Variants in REC114 observed in about 807,000 individuals in gnomAD.
The protein encoded by REC114 is REC114 meiotic recombination protein.
In REC114, 27 loss-of-function variants were observed where a neutral mutation model predicts 31.3. The ratio of observed to expected loss-of-function variants is 0.86; its 90% confidence interval spans 0.64 to 1.19. REC114 has a LOEUF of 1.19. Ranked by LOEUF, REC114 falls within the 50% of genes most tolerant of loss-of-function variation. The probability of loss-of-function intolerance (pLI) is 0.00; values close to 1 mark genes in which losing one functional copy is unlikely to be tolerated. For missense variants in REC114, 344 were observed against 326.9 expected (o/e 1.05, Z -0.40); for synonymous variants, 134 against 127.7 (o/e 1.05, Z -0.33).
At chr15:73,548,906 C>T (rs920258534) in intron 3 of REC114, among the ~76,000 whole-genome samples, 2 of 152,182 alleles carry the variant, frequency 1.3e-5, no homozygotes, top group African/African-American at 4.8e-5. Flanking sequence ...AGGCCATTAT[C>T]CCTAGCAAAC....
At chr15:73,553,433 TC>T (rs1188994849) in intron 4 of REC114, among the ~76,000 whole-genome samples, 1 of 152,204 alleles carries the variant, frequency 6.6e-6, no homozygotes, top group African/African-American at 2.4e-5. Context: ...TTGCTTATGA[TC>T]CTTTGCCCTT....
At chr15:73,498,730 A>T (rs901331687) in intron 2 of REC114, among the ~76,000 whole-genome samples, 3 of 152,182 alleles carry the variant, frequency 2.0e-5, no homozygotes, top group African/African-American at 7.2e-5. Flanking sequence ...ATCACAGTAA[A>T]TTATTATATT....
intron 2 of REC114, among the ~76,000 whole-genome samples, chr15:73,525,504 T>C (rs1302819731): frequency 6.6e-6 from 1 of 152,090 alleles, no homozygotes; most frequent in South Asian, 2.1e-4. Flanking sequence ...CTATTTTCAC[T>C]ATATATCCCA....
chr15:73,521,746 T>C (rs1893938296), intron 2 of REC114, among the ~76,000 whole-genome samples: 1 of 152,158 alleles, frequency 6.6e-6, no homozygotes, highest in Admixed American at 6.5e-5. Context: ...AAAATACAAC[T>C]TACCAAAGCT....
chr15:73,477,555 T>C (rs1893232614), intron 2 of REC114, among the ~76,000 whole-genome samples: 1 of 152,016 alleles, frequency 6.6e-6, no homozygotes, highest in South Asian at 2.1e-4. Context: ...TAGCTGGGAC[T>C]GTAGGCATAC....
chr15:73,486,494 C>A (rs985704539), intron 2 of REC114, among the ~76,000 whole-genome samples: 1 of 152,220 alleles, frequency 6.6e-6, no homozygotes, highest in Non-Finnish European at 1.5e-5. Flanking sequence ...ACCTTTCCCT[C>A]TTTTACCCAT....
chr15:73,558,741 GAC>G (rs1320125132), intron 5 of REC114, among the ~76,000 whole-genome samples: 5 of 152,196 alleles, frequency 3.3e-5, no homozygotes, highest in Admixed American at 2.0e-4. Flanking sequence ...CACTATAGAT[GAC>G]AGTTTGGCAG....
chr15:73,486,991 A>G (rs1385669209), intron 2 of REC114, among the ~76,000 whole-genome samples: 1 of 152,138 alleles, frequency 6.6e-6, no homozygotes, highest in East Asian at 1.9e-4. Flanking sequence ...ATTGCACTCC[A>G]GCCTGGACAA....
chr15:73,540,617 T>C (rs1291136767), intron 3 of REC114, 49 bp downstream of exon 3: 3 of 1,508,140 alleles, frequency 2.0e-6, no homozygotes, highest in South Asian at 2.2e-5. Flanking sequence ...TATGTGTGTA[T>C]GTTGGGGAGG....
intron 2 of REC114, among the ~76,000 whole-genome samples, chr15:73,500,857 A>T (rs1461099698): frequency 1.3e-5 from 2 of 151,330 alleles, no homozygotes; most frequent in Non-Finnish European, 2.9e-5. Context: ...TATAAATAGC[A>T]TTTGATCTTT....
chr15:73,447,339 T>TG (rs771025313), intron 1 of REC114, among the ~76,000 whole-genome samples: 12 of 152,100 alleles, frequency 7.9e-5, no homozygotes, highest in Non-Finnish European at 1.5e-4. Context: ...TGGGATTAGG[T>TG]GAGATTCGGG....
chr15:73,547,196 A>G (rs969722379), intron 3 of REC114, among the ~76,000 whole-genome samples: 1 of 152,200 alleles, frequency 6.6e-6, no homozygotes, highest in African/African-American at 2.4e-5. Context: ...CAGACAACTC[A>G]ATAGGGAAAA....
intron 2 of REC114, among the ~76,000 whole-genome samples, chr15:73,514,282 A>C (rs532876029): frequency 6.6e-6 from 1 of 151,506 alleles, no homozygotes; most frequent in Non-Finnish European, 1.5e-5. Flanking sequence ...AGGTGAGGCA[A>C]TGCCGCGCCC....
intron 2 of REC114, among the ~76,000 whole-genome samples, chr15:73,494,869 T>C (rs1182619681): frequency 6.6e-6 from 1 of 152,228 alleles, no homozygotes; most frequent in Non-Finnish European, 1.5e-5. Context: ...TTAGCGTATA[T>C]ATCTAGCTTC....
At chr15:73,447,035 A>C (rs1283995188) in intron 1 of REC114, among the ~76,000 whole-genome samples, 3 of 152,234 alleles carry the variant, frequency 2.0e-5, no homozygotes, top group Non-Finnish European at 4.4e-5. Context: ...TTTGGAGACC[A>C]AAATGAAAAG....
At chr15:73,543,635 G>A (rs1894269577) in intron 3 of REC114, among the ~76,000 whole-genome samples, 1 of 151,888 alleles carries the variant, frequency 6.6e-6, no homozygotes, top group Non-Finnish European at 1.5e-5. Flanking sequence ...AGCTGTAAAT[G>A]GTATTCTTTA....
intron 2 of REC114, among the ~76,000 whole-genome samples, chr15:73,534,001 C>T (rs1356146349): frequency 8.4e-6 from 1 of 118,890 alleles, no homozygotes; most frequent in Non-Finnish European, 1.7e-5. Flanking sequence ...AGAACAAAGA[C>T]ACAACATACC....
intron 3 of REC114, among the ~76,000 whole-genome samples, chr15:73,548,823 G>T (rs1185473286): frequency 6.6e-6 from 1 of 152,100 alleles, no homozygotes; most frequent in Non-Finnish European, 1.5e-5. Flanking sequence ...AGAAAATATG[G>T]TACATGCACA....
intron 1 of REC114, among the ~76,000 whole-genome samples, chr15:73,450,149 A>G (rs1187406413): frequency 1.3e-5 from 2 of 152,202 alleles, no homozygotes; most frequent in Non-Finnish European, 2.9e-5. Context: ...ATGAACCTTA[A>G]ATGTAAATGG....
Sources: gnomAD v4.1 joint callset for allele counts (sites outside exome capture counted in the v4.1 genomes callset) on GRCh38, gnomAD v4.1.1 for gene constraint, MANE v1.5 for transcripts, NCBI Gene and HGNC (gene_info 2026-07-23, HGNC 2026-07-21) for gene names.